SKOR2: variants seen among roughly 807,000 people sequenced by gnomAD.
SKOR2 encodes SKI family transcriptional corepressor 2.
SKOR2 carries 47 observed loss-of-function variants against 69.1 expected under a neutral mutation model. That is an observed-to-expected ratio of 0.68 (90% CI 0.54 to 0.87). The LOEUF (loss-of-function observed/expected upper bound fraction) is 0.87. Among genes scored for constraint, SKOR2 ranks in the 40% least tolerant of loss-of-function variants. SKOR2 has a pLI of 0.00. For missense variants in SKOR2, 1,404 were observed against 1,472.2 expected (o/e 0.95, Z 0.76); for synonymous variants, 717 against 672.6 (o/e 1.07, Z -1.02).
chr18:47,206,904 C>T lies in SKOR2; in HGVS notation c.*4-12G>A, dbSNP rs558857877. 1 of 152,258 alleles carries T rather than the reference C, an allele frequency of 6.6e-6. No individual in the cohort carries two copies. The highest frequency in any genetic ancestry group is 2.1e-4 in the South Asian group (1 of 4,824). 9.4% of individuals were successfully genotyped at this position (152,258 alleles called of 1,614,324 possible). On this transcript the variant is annotated splice_polypyrimidine_tract_variant and intron_variant, in intron 8 of 8. Transcript: ENST00000425639. ...GTAGTTCTGTGCACCTGGGATAAGA[C>T]AAAAGCATAGAATGACAAGCTGAAC...
At chr18:47,234,871 A>AAAAAAAAAAG (rs2064215229) in intron 4 of SKOR2, among the ~76,000 whole-genome samples, 1 of 150,776 alleles carries the variant, frequency 6.6e-6, no homozygotes, top group African/African-American at 2.4e-5. Flanking sequence ...AGGGAAAAAA[A>AAAAAAAAAAG]AAAAGAGAGG....
At chr18:47,212,594 T>C (rs2064131148) in intron 7 of SKOR2, among the ~76,000 whole-genome samples, 1 of 152,210 alleles carries the variant, frequency 6.6e-6, no homozygotes, top group East Asian at 1.9e-4. Context: ...CGTAATTTCT[T>C]TATAACATAT....
chr18:47,244,980 T>C lies in SKOR2; in HGVS notation c.2680A>G (p.Lys894Glu). ...STKDDNSFSD[K>E]NKEHSFFITD... ...ATGAAAAAGCTATGCTCCTTGTTCTTATCTAGAACCAAAACAAAACACAAA... is the reference window on the plus strand; with the variant it reads ...ATGAAAAAGCTATGCTCCTTGTTCTCATCTAGAACCAAAACAAAACACAAA... The change falls in exon 4 of 9, where the codon AAG becomes GAG. Residue 894 changes from lysine to glutamate, a missense_variant and splice_region_variant. Physicochemically the swap from Lys to Glu is moderately conservative, Grantham distance 56 (BLOSUM62 1). Around this residue, in one of 3 missense-constraint regions of SKOR2, gnomAD observed 1,266 missense variants for 1,309.9 expected, o/e 0.97. Transcript: ENST00000425639. 1 of 1,534,478 alleles carries C rather than the reference T, an allele frequency of 6.5e-7. No individual in the cohort carries two copies. The highest frequency in any genetic ancestry group is 8.7e-7 in the Non-Finnish European group (1 of 1,146,138).
chr18:47,235,953 A>G (rs1421391584), intron 4 of SKOR2, among the ~76,000 whole-genome samples: 1 of 152,114 alleles, frequency 6.6e-6, no homozygotes, highest in African/African-American at 2.4e-5. Context: ...CAAAGTCTCT[A>G]GGTTCTCCCA....
rs1568091596 is a variant in SKOR2, at chr18:47,247,880, C to G, written c.1304G>C (p.Gly435Ala). Residue 435 changes from glycine (G) to alanine (A), a missense_variant, in exon 2 of 9, where the codon GGG becomes GCG. Coordinates refer to ENST00000425639, the MANE Select transcript of SKOR2 (RefSeq NM_001278063.4). This position sits in a 1 kb window ranked among gnomAD's most constrained non-coding sequence, Gnocchi z 6.6. Reference protein sequence around the residue: ...EDAGAAAEALGGAGAGGAGAA... With the variant: ...EDAGAAAEALAGAGAGGAGAA... Reference sequence around the variant, plus strand: ...GCCCGCGCCGCCTGCGCCCGCGCCCCCCAGGGCCTCAGCGGCGGCACCCGC... The same window carrying G: ...GCCCGCGCCGCCTGCGCCCGCGCCCGCCAGGGCCTCAGCGGCGGCACCCGC... 8 of 1,361,868 alleles carry G rather than the reference C, an allele frequency of 5.9e-6. No individual in the cohort carries two copies. The South Asian group carries it at 1.1e-4, about 18-fold the overall frequency. 84.4% of individuals were successfully genotyped at this position (1,361,868 alleles called of 1,614,324 possible). A position where few individuals can be genotyped will look rare whatever the true frequency, so the allele number is the denominator to read the frequency against.
At position 47,248,026 on chromosome 18, in the gene SKOR2, G is replaced by A; in HGVS notation, c.1158C>T (p.Pro386=). Residue 386 remains proline, a synonymous_variant, in exon 2 of 9, where the codon CCC becomes CCT. Coordinates refer to ENST00000425639, the MANE Select transcript of SKOR2 (RefSeq NM_001278063.4). This position sits in a 1 kb window ranked among gnomAD's most constrained non-coding sequence, Gnocchi z 6.4. ...GPRSYPVIPV[P]SKGSFGGVLQ... is the part of the protein sequence containing the mutation. ...GGACGCCCCCGAACGAGCCCTTGCT[G>A]GGCACCGGGATGACTGGGTAGCTGC... The A allele has an allele frequency of 1.4e-6, 2 of 1,440,556 alleles. No homozygotes were observed. Among genetic ancestry groups the A allele is most frequent in the Non-Finnish European group, 1.8e-6 (2 of 1,098,478 alleles). The allele number at this position is 1,440,556 out of a possible 1,614,324, so 89.2% of individuals were successfully genotyped here.
intron 4 of SKOR2, among the ~76,000 whole-genome samples, chr18:47,231,530 ATAGT>A (rs1170251520): frequency 4.6e-5 from 7 of 152,030 alleles, no homozygotes; most frequent in African/African-American, 9.7e-5. Context: ...CTAATAATTG[ATAGT>A]TTGTTTTTTT....
chr18:47,227,406 C>T (rs1191022803), intron 6 of SKOR2, among the ~76,000 whole-genome samples: 2 of 135,810 alleles, frequency 1.5e-5, no homozygotes, highest in Non-Finnish European at 3.0e-5. Context: ...GGCGTGATCT[C>T]GGCTCACTGC....
At chr18:47,246,213 G>A (rs1446273305) in intron 2 of SKOR2, among the ~76,000 whole-genome samples, 1 of 152,200 alleles carries the variant, frequency 6.6e-6, no homozygotes. Flanking sequence ...CGGTGTTGTG[G>A]TCTTGCTCCT....
chr18:47,243,339 A>G (rs1030401609), intron 4 of SKOR2, among the ~76,000 whole-genome samples: 15 of 152,228 alleles, frequency 9.9e-5, no homozygotes, highest in African/African-American at 3.6e-4. Flanking sequence ...GCTGCTAAAT[A>G]TCATTTGATC....
rs2144519335 is a variant in SKOR2 at position 47,248,433 on chromosome 18, G to A, written c.751C>T (p.Pro251Ser). 1.3e-6 allele frequency: 2 copies of A among 1,533,832 alleles called. No homozygotes were observed. The highest frequency in any genetic ancestry group is 1.7e-6 in the Non-Finnish European group (2 of 1,145,576). Residue 251 changes from proline to serine, a missense_variant, in exon 2 of 9, where the codon CCC (proline) becomes TCC (serine). This residue lies in a region of SKOR2 where 1,266 missense variants were observed against 1,309.9 expected (regional missense o/e 0.97). Transcript: ENST00000425639. The surrounding 1 kb of genome is among the most constrained non-coding windows in gnomAD (Gnocchi z 6.4). Reference sequence around the variant, plus strand: ...ACAGAGCTGAGCGGGTGGCAGGCGGGGTGCGCGCCCGGCTGGGGCAGTGCG... The same window carrying A: ...ACAGAGCTGAGCGGGTGGCAGGCGGAGTGCGCGCCCGGCTGGGGCAGTGCG... ...KRALPQPGAHPACHPLSSVKA... is the reference protein window; with the variant it reads ...KRALPQPGAHSACHPLSSVKA...
chr18:47,232,790 C>A (rs2064204880), intron 4 of SKOR2, among the ~76,000 whole-genome samples: 1 of 152,172 alleles, frequency 6.6e-6, no homozygotes, highest in Admixed American at 6.5e-5. Flanking sequence ...TAAGCGGGGG[C>A]CAGAATTCAT....
intron 8 of SKOR2, among the ~76,000 whole-genome samples, 186 bp from the exon 9 acceptor site, chr18:47,207,078 T>C (rs965727026): frequency 1.3e-5 from 2 of 152,166 alleles, no homozygotes; most frequent in Non-Finnish European, 2.9e-5. Context: ...GCTGGTTTGC[T>C]GTGTGCTTTT....
intron 4 of SKOR2, among the ~76,000 whole-genome samples, chr18:47,241,642 A>C (rs2684845): frequency 0.093 from 14,090 of 152,018 alleles, 703 homozygotes; most frequent in East Asian, 0.15. Context: ...AACAAACAAA[A>C]AAAAAACCCA....
At chr18:47,214,709 G>C (rs2064138421) in intron 7 of SKOR2, among the ~76,000 whole-genome samples, 1 of 152,094 alleles carries the variant, frequency 6.6e-6, no homozygotes, top group African/African-American at 2.4e-5. Context: ...ATCAAATAGT[G>C]GTGCCTCTTA....
intron 6 of SKOR2, among the ~76,000 whole-genome samples, chr18:47,222,315 C>CAA (rs57282613): frequency 8.9e-6 from 1 of 112,562 alleles, no homozygotes. Flanking sequence ...GACTCTGCCT[C>CAA]AAAAAAAAAA....
At chr18:47,242,637 C>G (rs1465737026) in intron 4 of SKOR2, among the ~76,000 whole-genome samples, 1 of 151,858 alleles carries the variant, frequency 6.6e-6, no homozygotes, top group Non-Finnish European at 1.5e-5. Context: ...CAGAAGTAGA[C>G]TTATGAAGAT....
chr18:47,215,056 G>C (rs2064139699), intron 7 of SKOR2, among the ~76,000 whole-genome samples: 1 of 151,946 alleles, frequency 6.6e-6, no homozygotes, highest in South Asian at 2.1e-4. Flanking sequence ...ACACATTCAG[G>C]TCAGTCAACA....
At position 47,230,496 on chromosome 18, in the gene SKOR2, G is replaced by T; in HGVS notation, c.2880C>A (p.Phe960Leu). ...IDLRRRLEQE[F>L]QVLKGNTSFP... is the part of the protein sequence containing the mutation. Reference sequence around the variant, plus strand: ...AAGATGTGTTTCCTTTTAACACCTGGAATTCTTGTTCCAGTCGTCTCCGTA... The same window carrying T: ...AAGATGTGTTTCCTTTTAACACCTGTAATTCTTGTTCCAGTCGTCTCCGTA... The change falls in exon 6 of 9, where the codon TTC becomes TTA. Residue 960 changes from phenylalanine to leucine, a missense_variant. Transcript: ENST00000425639. 1.4e-6 allele frequency: 2 copies of T among 1,449,912 alleles called. No homozygotes were observed. The highest frequency in any genetic ancestry group is 1.5e-5 in the South Asian group (1 of 66,378). The allele number at this position is 1,449,912 out of a possible 1,614,324, so 89.8% of individuals were successfully genotyped here. A position where few individuals can be genotyped will look rare whatever the true frequency, so the allele number is the denominator to read the frequency against.
Sources: gnomAD v4.1 joint callset for allele counts (sites outside exome capture counted in the v4.1 genomes callset) on GRCh38, gnomAD v4.1.1 for gene constraint, gnomAD v4.1.1 regional missense constraint, Gnocchi (gnomAD v3.1) non-coding constraint, MANE v1.5 for transcripts, NCBI Gene and HGNC (gene_info 2026-07-23, HGNC 2026-07-21) for gene names.